Variants in ARSG observed in about 807,000 individuals in gnomAD.
ARSG encodes ASG.
ARSG carries 37 observed loss-of-function variants against 50.5 expected under a neutral mutation model. That is an observed-to-expected ratio of 0.73 (90% CI 0.56 to 0.96). The LOEUF (loss-of-function observed/expected upper bound fraction) is 0.96. Ranked by LOEUF, ARSG falls within the 50% of genes least tolerant of loss-of-function variation. The pLI, the probability that ARSG is intolerant of heterozygous loss-of-function variation, is 0.00. For missense variants in ARSG, 629 were observed against 675.3 expected, an observed-to-expected ratio of 0.93 and a Z score of 0.76; for synonymous variants, 225 against 254.6, an observed-to-expected ratio of 0.88 and a Z score of 1.11.
intron 8 of ARSG, among the ~76,000 whole-genome samples, chr17:68,374,709 A>G (rs1311524015): frequency 6.6e-6 from 1 of 151,568 alleles, no homozygotes; most frequent in Non-Finnish European, 1.5e-5. Context: ...AAAATTAACC[A>G]GGTATGGTGG....
At chr17:68,400,695 C>G (rs1228291559) in intron 10 of ARSG, 1 of 152,226 alleles carries the variant, frequency 6.6e-6, no homozygotes, top group Non-Finnish European at 1.5e-5. Context: ...TGGTTTAAAG[C>G]TCTGCCGTGG....
In ARSG at chr17:68,370,486, G is replaced by C. The variant is rs1490421398; in HGVS notation, c.944G>C (p.Ser315Thr). Residue 315 changes from serine (S) to threonine (T), a missense_variant, in exon 8 of 12, where the codon AGT becomes ACT. Transcript: ENST00000621439. ...GCTCAGAAGTGTGAGCTAGCGGGCA[G>C]TGTGGGTCCCTTCACTGGATTTTGG... ...PWAQKCELAG[S>T]VGPFTGFWQT... 1.2e-6 allele frequency: 2 copies of C among 1,614,180 alleles called. No individual in the cohort carries two copies. The highest frequency in any genetic ancestry group is 1.3e-5 in the African/African-American group (1 of 75,040).
At chr17:68,438,792 G>C in the ARSG span, among the ~76,000 whole-genome samples, 11 of 152,088 alleles carry the variant, frequency 7.2e-5, no homozygotes, top group Non-Finnish European at 1.6e-4. Flanking sequence ...GTAGAGACAG[G>C]GTTTCACCAT....
intron 2 of ARSG, among the ~76,000 whole-genome samples, chr17:68,330,977 G>C (rs1458446679): frequency 5.0e-5 from 1 of 19,848 alleles, no homozygotes; most frequent in African/African-American, 1.7e-4. Context: ...CTTTTTTTTT[G>C]CGGGGGGGGG....
At chr17:68,340,430 G>A (rs1297221895) in intron 2 of ARSG, among the ~76,000 whole-genome samples, 10 of 152,150 alleles carry the variant, frequency 6.6e-5, no homozygotes, top group East Asian at 1.9e-4. Flanking sequence ...AATCACAGGC[G>A]TGTGCCACCA....
At chr17:68,330,308 TA>T (rs1439163391) in intron 2 of ARSG, among the ~76,000 whole-genome samples, 4 of 150,810 alleles carry the variant, frequency 2.7e-5, no homozygotes, top group Non-Finnish European at 5.9e-5. Flanking sequence ...AAGTGGGGAG[TA>T]AGTAGGGCTG....
At chr17:68,419,326 C>T (rs924624970) in intron 11 of ARSG, among the ~76,000 whole-genome samples, 20 of 152,016 alleles carry the variant, frequency 1.3e-4, no homozygotes, top group East Asian at 9.7e-4. Context: ...TTTGGGAGGC[C>T]GAAGTGGGCA....
intron 1 of ARSG, among the ~76,000 whole-genome samples, chr17:68,306,060 T>C (rs62087151): frequency 0.38 from 57,185 of 151,412 alleles, 11,691 homozygotes; most frequent in Middle Eastern, 0.45. Flanking sequence ...TGGAGTGCAG[T>C]GGTGCGATCT....
rs370892083 is a variant in ARSG at position 68,414,661 on chromosome 17, TTTG to T, written c.1304-5512_1304-5510del. The stretch of plus-strand genomic sequence containing the variant: ...CTGTGGATCCATCTGGTCCTAGACT[TTTG>T]TTGTTGTTGTTGTTGGTAATTTAAA... On this transcript the variant is annotated intron_variant, in intron 11 of 11. Coordinates refer to ENST00000621439, the MANE Select transcript of ARSG (RefSeq NM_001267727.2). Among the ~76,000 whole-genome samples the T allele has an allele frequency of 1.8e-3, 279 of 152,134 alleles. 2 individuals are homozygous for T. The highest frequency in any genetic ancestry group is 5.9e-3 in the African/African-American group (244 of 41,466).
intron 9 of ARSG, among the ~76,000 whole-genome samples, chr17:68,386,831 T>C (rs181574160): frequency 8.2e-4 from 125 of 152,230 alleles, no homozygotes; most frequent in African/African-American, 2.9e-3. Context: ...CAGTCAACCA[T>C]AATAAAACTG....
At chr17:68,419,011 C>CAA (rs2082572393) in intron 11 of ARSG, among the ~76,000 whole-genome samples, 1 of 110,648 alleles carries the variant, frequency 9.0e-6, no homozygotes, top group South Asian at 2.8e-4. Context: ...TTTTCTATAG[C>CAA]AAAGCCAAAA....
chr17:68,336,232 CAG>C (rs2078013757), intron 2 of ARSG, among the ~76,000 whole-genome samples: 1 of 148,948 alleles, frequency 6.7e-6, no homozygotes, highest in African/African-American at 2.5e-5. Flanking sequence ...TTTTTTTAGA[CAG>C]ACTCTCACTC....
At chr17:68,345,440 C>T (rs996145731) in intron 3 of ARSG, among the ~76,000 whole-genome samples, 1 of 152,200 alleles carries the variant, frequency 6.6e-6, no homozygotes, top group Non-Finnish European at 1.5e-5. Flanking sequence ...CTGGCCCCTC[C>T]GTCTTCATGC....
chr17:68,348,196 A>G (rs565374390), intron 4 of ARSG, among the ~76,000 whole-genome samples: 1 of 152,340 alleles, frequency 6.6e-6, no homozygotes, highest in South Asian at 2.1e-4. Flanking sequence ...AAAAAATGAC[A>G]GATGGGAGAA....
chr17:68,371,585 T>A (rs950287253), intron 8 of ARSG, among the ~76,000 whole-genome samples: 8 of 152,190 alleles, frequency 5.3e-5, no homozygotes, highest in African/African-American at 1.9e-4. Context: ...ATTTGACATA[T>A]GGACCAAATG....
the ARSG span, among the ~76,000 whole-genome samples, chr17:68,432,611 C>T: frequency 6.6e-6 from 1 of 152,068 alleles, no homozygotes; most frequent in African/African-American, 2.4e-5. Flanking sequence ...GATAAGGTGC[C>T]CGGCCTCTGT....
At chr17:68,323,942 G>A (rs1363300831) in intron 2 of ARSG, among the ~76,000 whole-genome samples, 1 of 151,834 alleles carries the variant, frequency 6.6e-6, no homozygotes, top group African/African-American at 2.4e-5. Context: ...GTGTGGTGGC[G>A]GGTGCCTGTA....
chr17:68,403,428 A>G (rs1258941804), intron 11 of ARSG, among the ~76,000 whole-genome samples: 1 of 152,224 alleles, frequency 6.6e-6, no homozygotes, highest in Non-Finnish European at 1.5e-5. Context: ...CTGGGTAGGG[A>G]GCACTGAACT....
chr17:68,278,278 A>C (rs1555751688), intron 1 of ARSG: 2 of 1,614,040 alleles, frequency 1.2e-6, no homozygotes, highest in African/African-American at 2.7e-5. Context: ...ACTTCAGTAT[A>C]CACATTGGCT....
Sources: gnomAD v4.1 joint callset for allele counts (sites outside exome capture counted in the v4.1 genomes callset) on GRCh38, gnomAD v4.1.1 for gene constraint, MANE v1.5 for transcripts, NCBI Gene and HGNC (gene_info 2026-07-23, HGNC 2026-07-21) for gene names.